The following PRKG1 variants were observed in gnomAD, a reference collection of about 807,000 sequenced individuals.
The protein encoded by PRKG1 is cGMP-dependent protein kinase 1.
A neutral mutation model predicts 88.1 loss-of-function variants in PRKG1; 35 were observed. The ratio of observed to expected loss-of-function variants is 0.40; its 90% CI spans 0.30 to 0.53. The LOEUF (loss-of-function observed/expected upper bound fraction) is 0.53. PRKG1 is among the 20% of genes least tolerant of loss of function. PRKG1 has a pLI of 0.59. For synonymous variants in PRKG1, 303 were observed against 292.5 expected (o/e 1.04, Z -0.37); for missense variants, 540 against 839.8 (o/e 0.64, Z 4.41).
At chr10:51,406,183 G>A (rs1331316810) in intron 2 of PRKG1, among the ~76,000 whole-genome samples, 2 of 152,158 alleles carry the variant, frequency 1.3e-5, no homozygotes, top group African/African-American at 4.8e-5. Context: ...ACTGCCTGCT[G>A]CTGCAGAACT....
At chr10:51,036,713 G>T (rs1485304291) in intron 1 of PRKG1, among the ~76,000 whole-genome samples, 2 of 151,986 alleles carry the variant, frequency 1.3e-5, no homozygotes, top group East Asian at 3.8e-4. Context: ...CTCCTATTTG[G>T]GACTGTCTGA....
At chr10:51,315,828 G>A (rs890105868) in intron 2 of PRKG1, among the ~76,000 whole-genome samples, 1 of 152,176 alleles carries the variant, frequency 6.6e-6, no homozygotes, top group African/African-American at 2.4e-5. Context: ...CAGTCAAGAG[G>A]GAGAAGTGAT....
At chr10:50,996,194 A>G (rs1420612801) in intron 1 of PRKG1, among the ~76,000 whole-genome samples, 1 of 152,194 alleles carries the variant, frequency 6.6e-6, no homozygotes, top group African/African-American at 2.4e-5. Context: ...CTAGCTCATC[A>G]TTTTCTCACA....
chr10:51,523,111 T>G (rs1841780371), intron 3 of PRKG1, among the ~76,000 whole-genome samples: 1 of 152,224 alleles, frequency 6.6e-6, no homozygotes. Context: ...GAAGATGATT[T>G]TTTTTTTAAC....
chr10:51,367,427 G>A (rs996524197), intron 2 of PRKG1, among the ~76,000 whole-genome samples: 1 of 151,896 alleles, frequency 6.6e-6, no homozygotes, highest in East Asian at 1.9e-4. Flanking sequence ...AACCAAATGT[G>A]CGTATGTACA....
chr10:51,511,246 A>G (rs1256663059), intron 3 of PRKG1, among the ~76,000 whole-genome samples: 1 of 152,188 alleles, frequency 6.6e-6, no homozygotes, highest in Non-Finnish European at 1.5e-5. Context: ...TGAATGCATC[A>G]TCAAATATAC....
chr10:51,575,701 G>A (rs550417432), intron 3 of PRKG1, among the ~76,000 whole-genome samples: 11 of 150,298 alleles, frequency 7.3e-5, no homozygotes, highest in South Asian at 4.2e-4. Flanking sequence ...ATATGAGCCC[G>A]CTCATGGCTT....
intron 9 of PRKG1, among the ~76,000 whole-genome samples, chr10:52,216,188 A>G (rs1055674143): frequency 1.3e-5 from 2 of 152,206 alleles, no homozygotes; most frequent in East Asian, 3.9e-4. Flanking sequence ...ATTCTTGAAT[A>G]TACTCTTCTT....
At chr10:51,144,124 T>A (rs1205500475) in intron 1 of PRKG1, among the ~76,000 whole-genome samples, 2 of 152,138 alleles carry the variant, frequency 1.3e-5, no homozygotes, top group African/African-American at 4.8e-5. Flanking sequence ...AAGTCTTTAA[T>A]CCATTTTGAG....
intron 7 of PRKG1, among the ~76,000 whole-genome samples, chr10:52,122,922 A>G (rs1432452150): frequency 6.6e-6 from 1 of 152,230 alleles, no homozygotes; most frequent in African/African-American, 2.4e-5. Flanking sequence ...TCCACTGATA[A>G]CACAAAGGAA....
intron 2 of PRKG1, among the ~76,000 whole-genome samples, chr10:51,362,398 G>T (rs539772844): frequency 6.6e-6 from 1 of 151,612 alleles, no homozygotes; most frequent in South Asian, 2.1e-4. Context: ...ACTTTTATGT[G>T]AGTCTTCTTT....
chr10:52,227,451 A>G (rs1027456524), intron 9 of PRKG1, among the ~76,000 whole-genome samples: 1 of 152,320 alleles, frequency 6.6e-6, no homozygotes, highest in African/African-American at 2.4e-5. Context: ...ACGCAATGTA[A>G]CAACTATTTA....
chr10:51,341,620 G>T (rs912470683), intron 2 of PRKG1, among the ~76,000 whole-genome samples: 2 of 152,150 alleles, frequency 1.3e-5, no homozygotes, highest in Non-Finnish European at 2.9e-5. Context: ...GTGATTTAAT[G>T]TGGTACATTT....
chr10:51,245,154 G>A (rs566904165), intron 2 of PRKG1: 2 of 152,124 alleles, frequency 1.3e-5, no homozygotes, highest in Admixed American at 6.6e-5. Context: ...AAGAACTTAA[G>A]GATATAAGAC....
intron 3 of PRKG1, among the ~76,000 whole-genome samples, chr10:51,635,532 A>G (rs1839636570): frequency 6.6e-6 from 1 of 152,140 alleles, no homozygotes; most frequent in Admixed American, 6.6e-5. Flanking sequence ...GTCAGGTGTC[A>G]TAAAAGGCAC....
chr10:51,429,268 C>A lies in PRKG1; in HGVS notation c.479-38455C>A, dbSNP rs142892156. Among the ~76,000 whole-genome samples the A allele has an allele frequency of 6.4e-3, 978 of 152,258 alleles. 9 individuals are homozygous for A. Among genetic ancestry groups the A allele is most frequent in the African/African-American group, 0.022 (922 of 41,550 alleles). On this transcript the variant is annotated intron_variant, in intron 2 of 17. Transcript: ENST00000373980. ...AAAATAAGATTTTTTAAAAACTGAG[C>A]AGAGACATAAACACCCTCATGGGGA...
chr10:52,240,916 A>G (rs1840843320), intron 9 of PRKG1, among the ~76,000 whole-genome samples: 1 of 152,136 alleles, frequency 6.6e-6, no homozygotes, highest in Admixed American at 6.5e-5. Flanking sequence ...GGTTCTTTAA[A>G]ATATACATGT....
rs144900333 is a variant in PRKG1 at position 52,267,907 on chromosome 10, C to T, written c.1174-3443C>T. Reference sequence around the variant, plus strand: ...CCATTAGAAACAATGTTGAATTGAACATTCTTGAATGATCTTTGGGAAGTT... The same window carrying T: ...CCATTAGAAACAATGTTGAATTGAATATTCTTGAATGATCTTTGGGAAGTT... On this transcript the variant is annotated intron_variant, in intron 10 of 17. Transcript: ENST00000373980. Among the ~76,000 whole-genome samples, 970 of 152,136 alleles carry T rather than the reference C, an allele frequency of 6.4e-3. 12 individuals carry two copies. Among genetic ancestry groups the T allele is most frequent in the African/African-American group, 0.022 (927 of 41,524 alleles).
chr10:52,211,852 A>C (rs1181268841), intron 9 of PRKG1, among the ~76,000 whole-genome samples: 1 of 152,094 alleles, frequency 6.6e-6, no homozygotes, highest in African/African-American at 2.4e-5. Flanking sequence ...CTCCAGATTC[A>C]GTTTCTATAC....
Sources: allele counts gnomAD v4.1 joint callset (sites outside exome capture counted in the v4.1 genomes callset), GRCh38; gene constraint gnomAD v4.1.1; transcripts MANE v1.5; gene names NCBI Gene and HGNC (gene_info 2026-07-23, HGNC 2026-07-21).